GEMIN2: variants seen among roughly 807,000 people sequenced by gnomAD.
GEMIN2 encodes the protein gem nuclear organelle associated protein 2.
In GEMIN2, 37 loss-of-function variants were observed where a neutral mutation model predicts 45.8. That is an observed-to-expected ratio of 0.81 (90% CI 0.62 to 1.06). The LOEUF is 1.06. Ranked by LOEUF, GEMIN2 falls within the 50% of genes least tolerant of loss-of-function variation. The pLI is 0.00. For missense variants in GEMIN2, 335 were observed against 321.8 expected (o/e 1.04, Z -0.31); for synonymous variants, 101 against 111.5 (o/e 0.91, Z 0.60).
intron 7 of GEMIN2, chr14:39,131,710 T>C (rs999023683): frequency 7.7e-5 from 28 of 365,990 alleles, no homozygotes; most frequent in Admixed American, 1.3e-4. Context: ...TAAGAATATC[T>C]GAAACAAACT....
chr14:39,120,553 C>T (rs1393682632), intron 4 of GEMIN2, among the ~76,000 whole-genome samples: 1 of 152,174 alleles, frequency 6.6e-6, no homozygotes, highest in African/African-American at 2.4e-5. Flanking sequence ...AGGTAGATAA[C>T]CTTATTCCAA....
In GEMIN2 at chr14:39,116,954, C is replaced by G. The variant is rs560183156; in HGVS notation, c.223-1045C>G. On this transcript the variant is annotated intron_variant, in intron 2 of 9. Coordinates refer to ENST00000308317, the MANE Select transcript of GEMIN2 (RefSeq NM_003616.3). ...GTAGCGACGGGGTCTTGATATGTTGCTCAGGCTGTATGTGCTCTTTTAGAA... is the reference window on the plus strand; with the variant it reads ...GTAGCGACGGGGTCTTGATATGTTGGTCAGGCTGTATGTGCTCTTTTAGAA... 2.2e-4 allele frequency among the ~76,000 whole-genome samples: 34 copies of G among 152,198 alleles called. No individual in the cohort carries two copies. In the South Asian group the frequency reaches 6.8e-3, roughly 31 times the overall value.
At chr14:39,126,253 C>A (rs2052640021) in intron 6 of GEMIN2, among the ~76,000 whole-genome samples, 1 of 148,402 alleles carries the variant, frequency 6.7e-6, no homozygotes, top group African/African-American at 2.5e-5. Context: ...GATCTTGGCT[C>A]ACTGCAGTCT....
chr14:39,126,083 GT>G (rs34431324), intron 6 of GEMIN2, among the ~76,000 whole-genome samples: 13,896 of 151,618 alleles, frequency 0.092, 857 homozygotes, highest in East Asian at 0.32. Flanking sequence ...GAATTATGGA[GT>G]TTGGTTCTTC....
chr14:39,125,129 A>G, intron 6 of GEMIN2, 93 bp downstream of exon 6: 1 of 698,274 alleles, frequency 1.4e-6, no homozygotes, highest in South Asian at 1.7e-5. Flanking sequence ...TTCTTACAGT[A>G]TGCAAGACTT....
chr14:39,114,568 A>T, intron 1 of GEMIN2, 93 bp downstream of exon 1: 1 of 933,040 alleles, frequency 1.1e-6, no homozygotes, highest in Non-Finnish European at 1.6e-6. Context: ...GTCTGTTGCG[A>T]GTTCAGGTCT....
intron 1 of GEMIN2, 126 bp downstream of exon 1, chr14:39,114,601 C>G (rs547835022): frequency 6.9e-6 from 5 of 724,122 alleles, no homozygotes; most frequent in South Asian, 3.7e-5. Context: ...GGATTACATC[C>G]TAACGTGGGC....
intron 7 of GEMIN2, 31 bp downstream of exon 7, chr14:39,128,379 T>A: frequency 8.0e-7 from 1 of 1,250,622 alleles, no homozygotes; most frequent in Non-Finnish European, 1.2e-6. Flanking sequence ...TTTCATAATG[T>A]AGGCAAAAAT....
At chr14:39,118,110 A>T in intron 3 of GEMIN2, 22 bp downstream of exon 3, 1 of 1,262,072 alleles carries the variant, frequency 7.9e-7, no homozygotes, top group Non-Finnish European at 1.1e-6. Flanking sequence ...ATTTAATCTA[A>T]TTAAGCCCCT....
At chr14:39,118,760 A>G (rs1413017802) in intron 4 of GEMIN2, among the ~76,000 whole-genome samples, 161 bp downstream of exon 4, 1 of 151,946 alleles carries the variant, frequency 6.6e-6, no homozygotes, top group East Asian at 1.9e-4. Context: ...TAGCCTGGAA[A>G]GTATAGATTT....
chr14:39,124,727 C>T (rs138511484), intron 5 of GEMIN2, among the ~76,000 whole-genome samples: 3 of 152,046 alleles, frequency 2.0e-5, no homozygotes, highest in Admixed American at 2.0e-4. Flanking sequence ...GAGCCAAGAT[C>T]GCGCCACTAC....
chr14:39,118,977 TGTTACCC>T (rs751558384), intron 4 of GEMIN2, among the ~76,000 whole-genome samples: 3 of 151,818 alleles, frequency 2.0e-5, no homozygotes, highest in Non-Finnish European at 2.9e-5. Flanking sequence ...GGTCTCCCTG[TGTTACCC>T]AGGCTGGTCT....
chr14:39,119,827 T>A (rs1181322650), intron 4 of GEMIN2, among the ~76,000 whole-genome samples: 1 of 152,212 alleles, frequency 6.6e-6, no homozygotes, highest in East Asian at 1.9e-4. Context: ...TCATTTAACT[T>A]GTAAAAGGTA....
intron 5 of GEMIN2, 62 bp from the exon 6 acceptor site, chr14:39,124,930 G>GA (rs372361753): frequency 0.027 from 17,137 of 641,440 alleles, 14 homozygotes; most frequent in South Asian, 0.041. Context: ...TCACCAGTTT[G>GA]AAAAAAAAAA....
intron 9 of GEMIN2, among the ~76,000 whole-genome samples, chr14:39,135,646 A>G (rs1454799271): frequency 6.6e-6 from 1 of 152,116 alleles, no homozygotes; most frequent in African/African-American, 2.4e-5. Context: ...CACACCTGTA[A>G]GCCCAGTGCT....
intron 5 of GEMIN2, 167 bp downstream of exon 5, chr14:39,122,710 A>AT (rs1465771454): frequency 4.4e-6 from 2 of 457,128 alleles, no homozygotes; most frequent in Non-Finnish European, 7.8e-6. Flanking sequence ...AAAGAAACAA[A>AT]TAATATGTGG....
At chr14:39,133,467 A>G (rs1275924499) in intron 8 of GEMIN2, among the ~76,000 whole-genome samples, 194 bp from the exon 9 acceptor site, 3 of 150,856 alleles carry the variant, frequency 2.0e-5, no homozygotes, top group South Asian at 4.2e-4. Context: ...TATTTAAAAG[A>G]TAGTCTTAGA....
chr14:39,136,670 A>G lies in GEMIN2; in HGVS notation c.*191A>G. The G allele has an allele frequency of 2.0e-6, 1 of 498,594 alleles. No individual in the cohort carries two copies. Among genetic ancestry groups the G allele is most frequent in the African/African-American group, 2.0e-5 (1 of 50,988 alleles). 30.9% of individuals were successfully genotyped at this position (498,594 alleles called of 1,614,324 possible). On this transcript the variant is annotated 3_prime_UTR_variant, in exon 10 of 10. Coordinates refer to ENST00000308317, the MANE Select transcript of GEMIN2 (RefSeq NM_003616.3). Reference sequence around the variant, plus strand: ...TTGAATATCTGAAATATCAATGGAAAATCCCACTCAGTTTTTGATGAACAG... The same window carrying G: ...TTGAATATCTGAAATATCAATGGAAGATCCCACTCAGTTTTTGATGAACAG...
At chr14:39,115,386 G>A (rs1213778374) in intron 2 of GEMIN2, among the ~76,000 whole-genome samples, 1 of 150,976 alleles carries the variant, frequency 6.6e-6, no homozygotes, top group Non-Finnish European at 1.5e-5. Context: ...TTTAATCTTA[G>A]TGTGCTTTGC....
Sources: allele counts gnomAD v4.1 joint callset (sites outside exome capture counted in the v4.1 genomes callset), GRCh38; gene constraint gnomAD v4.1.1; transcripts MANE v1.5; gene names NCBI Gene and HGNC (gene_info 2026-07-23, HGNC 2026-07-21).